The following DNAH8 variants were observed in gnomAD, a reference collection of about 807,000 sequenced individuals.
DNAH8 encodes axonemal beta dynein heavy chain 8.
In DNAH8, 382 loss-of-function variants were observed where a neutral mutation model predicts 562.1. The ratio of observed to expected loss-of-function variants is 0.68; its 90% CI spans 0.63 to 0.74. The LOEUF is 0.74. Ranked by LOEUF, DNAH8 falls within the 30% of genes least tolerant of loss-of-function variation. DNAH8 has a pLI of 0.00. For synonymous variants in DNAH8, 1,881 were observed against 1,919.4 expected (o/e 0.98, Z 0.52); for missense variants, 5,203 against 5,620.4 (o/e 0.93, Z 2.37).
At chr6:38,992,797 A>G (rs1294212685) in intron 88 of DNAH8, among the ~76,000 whole-genome samples, 1 of 152,214 alleles carries the variant, frequency 6.6e-6, no homozygotes, top group African/African-American at 2.4e-5. Context: ...ATGTAAAAGC[A>G]ATTGGAGACA....
chr6:38,985,707 A>T (rs931112251), intron 87 of DNAH8, among the ~76,000 whole-genome samples: 1 of 152,216 alleles, frequency 6.6e-6, no homozygotes, highest in African/African-American at 2.4e-5. Context: ...GTACAAAAAT[A>T]TTCATGGCAA....
Position 38,737,926 on chromosome 6 carries a change from A to G in DNAH8, c.1070A>G (p.His357Arg), listed in dbSNP as rs1207890931. The change falls in exon 7 of 93, where the codon CAT becomes CGT. Residue 357 changes from histidine (H) to arginine (R), a missense_variant. Physicochemically the swap from His to Arg is conservative, Grantham distance 29. This residue lies in a region of DNAH8 where 556 missense variants were observed against 496.9 expected (regional missense o/e 1.12). Coordinates refer to ENST00000327475, the MANE Select transcript of DNAH8 (RefSeq NM_001206927.2). ...GCAGCCAGCAACTCAGAAACTGTTCATCAGCTGGAGGAAGTGCTGATGGTA... is the reference window on the plus strand; with the variant it reads ...GCAGCCAGCAACTCAGAAACTGTTCGTCAGCTGGAGGAAGTGCTGATGGTA... ...TAAASNSETV[H>R]QLEEVLMVWY... 2 of 1,608,554 alleles carry G rather than the reference A, an allele frequency of 1.2e-6. No homozygotes were observed. The highest frequency in any genetic ancestry group is 8.5e-7 in the Non-Finnish European group (1 of 1,177,732).
At position 38,834,642 on chromosome 6, in the gene DNAH8, GT is replaced by G; in HGVS notation, c.4365+2del. On this transcript the variant is annotated splice_donor_variant, in intron 32 of 92. Transcript: ENST00000327475. LOFTEE classifies it high-confidence loss of function. ...TAGCAACAGGCTACAGATATTTCAG[GT>G]GAAACCACATTTTTTTTGTTACATC... 5 of 1,604,842 alleles carry G rather than the reference GT, an allele frequency of 3.1e-6. No individual in the cohort carries two copies. Among genetic ancestry groups the G allele is most frequent in the Non-Finnish European group, 4.3e-6 (5 of 1,175,368 alleles).
Position 38,723,382 on chromosome 6 carries a change from C to A in DNAH8, c.436C>A (p.Pro146Thr), listed in dbSNP as rs753060938. The A allele has an allele frequency of 6.2e-7, 1 of 1,611,952 alleles. No individual in the cohort carries two copies. The highest frequency in any genetic ancestry group is 8.5e-7 in the Non-Finnish European group (1 of 1,179,710). Residue 146 changes from proline (P) to threonine (T), a missense_variant, in exon 3 of 93, where the codon CCT (proline) becomes ACT (threonine). Pro to Thr is a conservative substitution (Grantham distance 38, BLOSUM62 -1). Coordinates refer to ENST00000327475, the MANE Select transcript of DNAH8 (RefSeq NM_001206927.2). Reference protein sequence around the residue: ...ARESRRLKIDPSYKYIFEILA... With the variant: ...ARESRRLKIDTSYKYIFEILA... ...GGAAAGCCGAAGACTGAAAATTGAC[C>A]CTTCATACAAATATATATTTGAAAT...
intron 10 of DNAH8, among the ~76,000 whole-genome samples, chr6:38,757,553 C>T (rs1159975278): frequency 3.3e-5 from 5 of 152,146 alleles, no homozygotes; most frequent in Non-Finnish European, 7.4e-5. Context: ...ATTTTGGCTT[C>T]TGTTGCCATT....
chr6:39,008,518 C>G (rs1436529644), intron 88 of DNAH8, among the ~76,000 whole-genome samples: 2 of 152,094 alleles, frequency 1.3e-5, no homozygotes, highest in African/African-American at 4.8e-5. Flanking sequence ...GTCAGGTTAG[C>G]TACAACCAAG....
At chr6:38,746,537 A>G (rs1324705895) in intron 8 of DNAH8, among the ~76,000 whole-genome samples, 1 of 151,490 alleles carries the variant, frequency 6.6e-6, no homozygotes, top group African/African-American at 2.4e-5. Flanking sequence ...TTTAAAATGG[A>G]ATCATTTATA....
chr6:38,985,266 A>T (rs563073308), intron 87 of DNAH8, among the ~76,000 whole-genome samples: 1 of 152,348 alleles, frequency 6.6e-6, no homozygotes, highest in South Asian at 2.1e-4. Flanking sequence ...TCTTCTTAAA[A>T]TGTTTTACAT....
At position 38,908,089 on chromosome 6, in the gene DNAH8, A is replaced by G; in HGVS notation, c.9482A>G (p.Lys3161Arg). 1 of 1,597,078 alleles carries G rather than the reference A, an allele frequency of 6.3e-7. No individual in the cohort carries two copies. Among genetic ancestry groups the G allele is most frequent in the Middle Eastern group, 1.7e-4 (1 of 6,014 alleles). Reference protein sequence around the residue: ...LYEYFISRSRKNLHVVLCFSP... With the variant: ...LYEYFISRSRRNLHVVLCFSP... ...GAATACTTCATTTCAAGATCAAGGAAGAACTTACATGTTGTTCTCTGCTTT... is the reference window on the plus strand; with the variant it reads ...GAATACTTCATTTCAAGATCAAGGAGGAACTTACATGTTGTTCTCTGCTTT... The change falls in exon 64 of 93, where the codon AAG (lysine) becomes AGG (arginine). Residue 3161 changes from lysine to arginine, a missense_variant. Coordinates refer to ENST00000327475, the MANE Select transcript of DNAH8 (RefSeq NM_001206927.2).
At chr6:38,870,600 G>A (rs767674258) in intron 49 of DNAH8, 38 bp downstream of exon 49, 8 of 1,565,976 alleles carry the variant, frequency 5.1e-6, no homozygotes, top group African/African-American at 1.4e-5. Flanking sequence ...ATAATGATAA[G>A]TATGTGTTAA....
At chr6:38,734,411 A>G in intron 4 of DNAH8, 63 bp from the exon 5 acceptor site, 5 of 1,564,982 alleles carry the variant, frequency 3.2e-6, no homozygotes, top group African/African-American at 1.4e-5. Context: ...TAAGAGCCAC[A>G]GTAACTTATC....
chr6:38,872,741 T>C lies in DNAH8; in HGVS notation c.7196T>C (p.Ile2399Thr). 1 of 1,614,080 alleles carries C rather than the reference T, an allele frequency of 6.2e-7. No individual in the cohort carries two copies. Among genetic ancestry groups the C allele is most frequent in the Non-Finnish European group, 8.5e-7 (1 of 1,179,990 alleles). ...GCTACCAATGACTGGACAGATGGGA[T>C]TTTTTCTACTCTGTGGAGAAAAACA... ...DTATNDWTDG[I>T]FSTLWRKTLK... Residue 2399 changes from isoleucine (I) to threonine (T), a missense_variant, in exon 50 of 93, where the codon ATT becomes ACT. By Grantham distance (89) the Ile-to-Thr change is moderately conservative (BLOSUM62 -1). Around this residue, in one of 6 missense-constraint regions of DNAH8, gnomAD observed 2,176 missense variants for 2,365.1 expected, o/e 0.92. Transcript: ENST00000327475.
In DNAH8 at chr6:38,915,231, G is replaced by A. The variant is rs747987688; in HGVS notation, c.9994G>A (p.Ala3332Thr). 16 of 1,607,050 alleles carry A rather than the reference G, an allele frequency of 1.0e-5. 1 individual carries two copies. In the South Asian group the frequency reaches 1.6e-4, roughly 16 times the overall value. ...VLAEVTVSAQ[A>T]SAKIKNEVQE... is the part of the protein sequence containing the mutation. ...AGCAGAAGTCACAGTAAGCGCTCAG[G>A]CTTCAGCCAAAATTAAAAATGAAGT... Residue 3332 changes from alanine (A) to threonine (T), a missense_variant, in exon 68 of 93, where the codon GCT becomes ACT. Around this residue, in one of 6 missense-constraint regions of DNAH8, gnomAD observed 87 missense variants for 144.9 expected, o/e 0.60. Coordinates refer to ENST00000327475, the MANE Select transcript of DNAH8 (RefSeq NM_001206927.2).
At chr6:39,000,224 G>A (rs1263241280) in intron 88 of DNAH8, among the ~76,000 whole-genome samples, 1 of 152,208 alleles carries the variant, frequency 6.6e-6, no homozygotes, top group Non-Finnish European at 1.5e-5. Flanking sequence ...ATGATGAATG[G>A]CAAATGCTGA....
chr6:38,855,372 A>C (rs985394337), intron 41 of DNAH8, among the ~76,000 whole-genome samples: 2 of 152,214 alleles, frequency 1.3e-5, no homozygotes, highest in Non-Finnish European at 2.9e-5. Context: ...AACTTAAATA[A>C]AATAAAAATA....
rs1046649406 is a variant in DNAH8 at position 38,830,591 on chromosome 6, C to T, written c.4189-1731C>T. 2.6e-4 allele frequency among the ~76,000 whole-genome samples: 37 copies of T among 144,468 alleles called. 1 individual carries two copies. Among genetic ancestry groups the T allele is most frequent in the South Asian group, 8.9e-4 (4 of 4,512 alleles). 94.8% of individuals were successfully genotyped at this position (144,468 alleles called of 152,430 possible). The stretch of plus-strand genomic sequence containing the variant: ...CGGAGTTTCCAGTGAGCCGAGATCG[C>T]GCCACTGCACTCCAGCCTGGGCAAC... On this transcript the variant is annotated intron_variant, in intron 30 of 92. Coordinates refer to ENST00000327475, the MANE Select transcript of DNAH8 (RefSeq NM_001206927.2).
chr6:38,923,835 C>A (rs1464460753), intron 72 of DNAH8, among the ~76,000 whole-genome samples, 156 bp from the exon 73 acceptor site: 1 of 152,078 alleles, frequency 6.6e-6, no homozygotes, highest in East Asian at 1.9e-4. Context: ...GGGTTTGGGG[C>A]TCCACTTTGC....
intron 48 of DNAH8, 87 bp downstream of exon 48, chr6:38,868,283 G>T (rs1336405241): frequency 3.8e-6 from 5 of 1,308,318 alleles, no homozygotes; most frequent in Non-Finnish European, 5.3e-6. Context: ...CTGATGTTGA[G>T]CTGTGAGCAC....
chr6:38,818,445 G>T (rs1013381765), intron 26 of DNAH8, among the ~76,000 whole-genome samples: 3 of 148,464 alleles, frequency 2.0e-5, no homozygotes, highest in Admixed American at 1.4e-4. Flanking sequence ...TTTCAGACAT[G>T]CAGTGTCTTT....
Sources: allele counts gnomAD v4.1 joint callset (sites outside exome capture counted in the v4.1 genomes callset), GRCh38; gene constraint gnomAD v4.1.1; regional missense constraint gnomAD v4.1.1; transcripts MANE v1.5; gene names NCBI Gene and HGNC (gene_info 2026-07-23, HGNC 2026-07-21).